Variants in ERC1 observed in about 807,000 individuals in gnomAD.
ERC1 encodes RAB6 interacting protein 2.
ERC1 carries 56 observed loss-of-function variants against 132.0 expected under a neutral mutation model. The observed-to-expected ratio is 0.42, with a 90% CI of 0.34 to 0.53. The LOEUF is 0.53. Ranked by LOEUF, ERC1 falls within the 20% of genes least tolerant of loss-of-function variation. The probability of loss-of-function intolerance (pLI) is 0.03; values close to 1 mark genes in which losing one functional copy is unlikely to be tolerated. For synonymous variants in ERC1, 478 were observed against 476.1 expected, an observed-to-expected ratio of 1.00 and a Z score of -0.05; for missense variants, 1,202 against 1,349.9, an observed-to-expected ratio of 0.89 and a Z score of 1.72.
intron 18 of ERC1, among the ~76,000 whole-genome samples, chr12:1,452,916 G>C (rs1193762019): frequency 6.6e-6 from 1 of 152,196 alleles, no homozygotes; most frequent in Non-Finnish European, 1.5e-5. Context: ...TGGTGCCACA[G>C]GCCTTGAGCT....
chr12:1,364,965 CTTTAG>C (rs2086515768), intron 15 of ERC1, among the ~76,000 whole-genome samples: 1 of 152,176 alleles, frequency 6.6e-6, no homozygotes, highest in African/African-American at 2.4e-5. Context: ...ACTTCCCCTG[CTTTAG>C]TAACAATTGT....
At chr12:990,473 A>C (rs1174099091), upstream of ERC1, 1 of 152,176 alleles carries the variant, frequency 6.6e-6, no homozygotes, top group Non-Finnish European at 1.5e-5. Context: ...GAGGCTAAAT[A>C]AACAGCTCCC....
intron 18 of ERC1, among the ~76,000 whole-genome samples, chr12:1,457,494 G>A (rs955103705): frequency 1.2e-4 from 18 of 151,908 alleles, no homozygotes; most frequent in African/African-American, 2.4e-4. Flanking sequence ...CATAAAAACC[G>A]TTTTCTAGGA....
chr12:1,357,006 C>G (rs1204203900), intron 15 of ERC1, among the ~76,000 whole-genome samples: 1 of 152,178 alleles, frequency 6.6e-6, no homozygotes, highest in Non-Finnish European at 1.5e-5. Flanking sequence ...ATCTCAGTAG[C>G]CCCAATGTCT....
Position 1,015,700 on chromosome 12 carries a change from G to A in ERC1, c.-156-12048G>A, listed in dbSNP as rs1965403987. Among the ~76,000 whole-genome samples the A allele has an allele frequency of 2.0e-5, 3 of 152,136 alleles. No individual in the cohort carries two copies. The South Asian group carries it at 6.2e-4, about 32-fold the overall frequency. The stretch of plus-strand genomic sequence containing the variant: ...GTTCATCTTTTCACAGGGAGCCTAG[G>A]ATAGCAGCATATTTCTCGTCCCTAG... On this transcript the variant is annotated intron_variant, in intron 1 of 18. Transcript: ENST00000360905.
intron 11 of ERC1, among the ~76,000 whole-genome samples, chr12:1,187,652 A>AT (rs747810359): frequency 3.4e-4 from 51 of 151,890 alleles, no homozygotes; most frequent in Non-Finnish European, 6.5e-4. Context: ...CTTCCCAATC[A>AT]TTTTTCTTTT....
chr12:1,333,899 C>G (rs1419617225), intron 15 of ERC1, among the ~76,000 whole-genome samples: 1 of 152,122 alleles, frequency 6.6e-6, no homozygotes, highest in Non-Finnish European at 1.5e-5. Context: ...GTTCCTTTTC[C>G]CACAACCTCG....
chr12:1,199,909 A>T (rs1382798240), intron 12 of ERC1, among the ~76,000 whole-genome samples: 1 of 150,656 alleles, frequency 6.6e-6, no homozygotes, highest in African/African-American at 2.5e-5. Context: ...AACAGATTAC[A>T]TAACTTTTTT....
chr12:1,156,188 T>C (rs1411323953), intron 8 of ERC1, among the ~76,000 whole-genome samples: 1 of 152,192 alleles, frequency 6.6e-6, no homozygotes, highest in Non-Finnish European at 1.5e-5. Context: ...TAACTAAATT[T>C]AACCTAAGAT....
At chr12:1,155,499 G>A (rs949987993) in intron 8 of ERC1, among the ~76,000 whole-genome samples, 5 of 150,410 alleles carry the variant, frequency 3.3e-5, no homozygotes, top group South Asian at 2.1e-4. Context: ...TTTTTGAGAC[G>A]GAGTCTCGCT....
Position 1,423,264 on chromosome 12 carries a change from T to C in ERC1, c.3024+15017T>C, listed in dbSNP as rs185820014. Among the ~76,000 whole-genome samples the C allele has an allele frequency of 4.9e-3, 753 of 152,342 alleles. 9 individuals are homozygous for C. Among genetic ancestry groups the C allele is most frequent in the African/African-American group, 0.017 (711 of 41,570 alleles). The stretch of plus-strand genomic sequence containing the variant: ...TAAGAGATTTTCTTTACCTTGCTTC[T>C]GCTTTCACCTTACAAAAGTCTTCTA... On this transcript the variant is annotated intron_variant, in intron 17 of 18. Coordinates refer to ENST00000360905, the MANE Select transcript of ERC1 (RefSeq NM_178040.4).
intron 17 of ERC1, among the ~76,000 whole-genome samples, chr12:1,434,462 T>G (rs912484830): frequency 6.6e-6 from 1 of 152,262 alleles, no homozygotes; most frequent in Admixed American, 6.5e-5. Flanking sequence ...GTGTACACCA[T>G]GTACCCCTTG....
rs1423709887 is a variant in ERC1 at position 1,492,022 on chromosome 12, T to C, written c.*1792T>C. The C allele has an allele frequency of 4.3e-6, 1 of 232,922 alleles. No individual in the cohort carries two copies. The highest frequency in any genetic ancestry group is 6.0e-5 in the East Asian group (1 of 16,560). The allele number at this position is 232,922 out of a possible 1,614,324, so 14.4% of individuals were successfully genotyped here. A position where few individuals can be genotyped will look rare whatever the true frequency, so the allele number is the denominator to read the frequency against. ...TGTAGAGTCAGCACAGCCCCATCAG[T>C]CCAGGAACTTCCCACCACCAGCCCT... On this transcript the variant is annotated 3_prime_UTR_variant, in exon 19 of 19. Transcript: ENST00000360905.
At chr12:1,174,145 G>T (rs73041065) in intron 8 of ERC1, among the ~76,000 whole-genome samples, 1 of 152,142 alleles carries the variant, frequency 6.6e-6, no homozygotes, top group Non-Finnish European at 1.5e-5. Flanking sequence ...GTATTTTTAT[G>T]GGCACACATT....
At chr12:1,339,290 C>T (rs1026768418) in intron 15 of ERC1, among the ~76,000 whole-genome samples, 1 of 144,122 alleles carries the variant, frequency 6.9e-6, no homozygotes, top group East Asian at 2.0e-4. Flanking sequence ...TGTAGGCATT[C>T]ACTGCAGTGG....
chr12:991,699 G>C (rs1469506009), intron 1 of ERC1: 1 of 152,306 alleles, frequency 6.6e-6, no homozygotes, highest in Non-Finnish European at 1.5e-5. Flanking sequence ...AGGGGGGGAG[G>C]CTTAGGACTA....
At chr12:1,142,869 T>C (rs941872579) in intron 8 of ERC1, among the ~76,000 whole-genome samples, 2 of 152,350 alleles carry the variant, frequency 1.3e-5, no homozygotes, top group Middle Eastern at 3.4e-3. Context: ...ATTAGTTCTT[T>C]TGTCCGATGT....
chr12:1,347,627 C>G (rs921976974), intron 15 of ERC1, among the ~76,000 whole-genome samples: 11 of 152,158 alleles, frequency 7.2e-5, no homozygotes, highest in Non-Finnish European at 1.6e-4. Flanking sequence ...ATTGATACCA[C>G]TTTTCATGCT....
At chr12:1,226,258 A>G (rs760867494) in intron 12 of ERC1, among the ~76,000 whole-genome samples, 10 of 152,172 alleles carry the variant, frequency 6.6e-5, no homozygotes, top group Non-Finnish European at 1.5e-4. Flanking sequence ...TCATGATTTT[A>G]TCTTGAATAA....
Sources: allele counts gnomAD v4.1 joint callset (sites outside exome capture counted in the v4.1 genomes callset), GRCh38; gene constraint gnomAD v4.1.1; transcripts MANE v1.5; gene names NCBI Gene and HGNC (gene_info 2026-07-23, HGNC 2026-07-21).